The following FGF14 variants were observed in gnomAD, a reference collection of about 807,000 sequenced individuals.
FGF14 encodes the protein fibroblast growth factor homologous factor 4.
A neutral mutation model predicts 25.5 loss-of-function variants in FGF14; 5 were observed. The ratio of observed to expected loss-of-function variants is 0.20; its 90% CI spans 0.10 to 0.41. The LOEUF is 0.41. FGF14 is among the 10% of genes least tolerant of loss of function. The pLI, the probability that FGF14 is intolerant of heterozygous loss-of-function variation, is 1.00. For missense variants in FGF14, 222 were observed against 320.1 expected, an observed-to-expected ratio of 0.69 and a Z score of 2.34; for synonymous variants, 138 against 118.3, an observed-to-expected ratio of 1.17 and a Z score of -1.08.
intron 1 of FGF14, among the ~76,000 whole-genome samples, chr13:101,942,827 GTTAA>G (rs2035540912): frequency 6.6e-6 from 1 of 152,232 alleles, no homozygotes; most frequent in South Asian, 2.1e-4. Flanking sequence ...CAGGTAAGGT[GTTAA>G]TTGTTTAATC....
chr13:101,782,579 C>T (rs149166179), intron 3 of FGF14, among the ~76,000 whole-genome samples: 5 of 152,166 alleles, frequency 3.3e-5, no homozygotes, highest in African/African-American at 1.2e-4. Flanking sequence ...CGTTCTTCCC[C>T]TCTGTGTGTC....
chr13:101,920,381 A>T (rs2033911668), upstream of FGF14, among the ~76,000 whole-genome samples: 1 of 152,154 alleles, frequency 6.6e-6, no homozygotes, highest in Non-Finnish European at 1.5e-5. Context: ...TGACTCTGCA[A>T]CTTCCTAGCT....
At chr13:101,788,872 CTATATATATATATA>C (rs56084859) in intron 3 of FGF14, among the ~76,000 whole-genome samples, 350 of 26,388 alleles carry the variant, frequency 0.013, 7 homozygotes, top group East Asian at 0.03. Context: ...CCTTTTTTGA[CTATATATATATATA>C]TATATATATA....
chr13:102,130,961 T>G (rs2140410755), intron 1 of FGF14, among the ~76,000 whole-genome samples: 1 of 152,308 alleles, frequency 6.6e-6, no homozygotes, highest in South Asian at 2.1e-4. Flanking sequence ...CCCCCACTTT[T>G]TGCTTAAATG....
In FGF14 at chr13:101,833,814, T is replaced by A. The variant is rs540890684; in HGVS notation, c.408+34911A>T. On this transcript the variant is annotated intron_variant, in intron 3 of 4. Coordinates refer to ENST00000376143, the MANE Select transcript of FGF14 (RefSeq NM_004115.4). ...CCAATTTCCATTAAAATTCAAAGCCTGTCGTTGTGTCTTGCTGTTTAATTG... is the reference window on the plus strand; with the variant it reads ...CCAATTTCCATTAAAATTCAAAGCCAGTCGTTGTGTCTTGCTGTTTAATTG... Among the ~76,000 whole-genome samples the A allele has an allele frequency of 7.2e-5, 11 of 152,250 alleles. No individual in the cohort carries two copies. In the South Asian group the frequency reaches 2.3e-3, roughly 32 times the overall value.
intron 1 of FGF14, 52 bp from the exon 2 acceptor site, chr13:101,875,348 C>T (rs376320175): frequency 8.2e-7 from 1 of 1,226,446 alleles, no homozygotes; most frequent in African/African-American, 1.5e-5. Context: ...ACCATAGTTT[C>T]CTTTATCTTT....
intron 1 of FGF14, among the ~76,000 whole-genome samples, chr13:102,092,057 GA>G (rs2044189372): frequency 6.6e-6 from 1 of 152,160 alleles, no homozygotes; most frequent in South Asian, 2.1e-4. Flanking sequence ...CTGATGTGGG[GA>G]TGACACATTG....
chr13:102,034,061 T>C (rs952322404), intron 1 of FGF14, among the ~76,000 whole-genome samples: 1 of 152,078 alleles, frequency 6.6e-6, no homozygotes, highest in African/African-American at 2.4e-5. Context: ...CTCTCTTCTT[T>C]CTGGGATCAA....
rs1349341457 is a variant in FGF14, at chr13:101,976,689, C to G, written c.209-101393G>C. Among the ~76,000 whole-genome samples the G allele has an allele frequency of 2.0e-5, 3 of 152,180 alleles. No individual in the cohort carries two copies. The East Asian group carries it at 5.8e-4, about 29-fold the overall frequency. On this transcript the variant is annotated intron_variant, in intron 1 of 4. Transcript: ENST00000376131. ...TGTGCCATCACCCTCATTTCCTGTTCCTCACTGATTTTTCATTCAGTACTT... is the reference window on the plus strand; with the variant it reads ...TGTGCCATCACCCTCATTTCCTGTTGCTCACTGATTTTTCATTCAGTACTT...
chr13:101,801,107 A>G lies in FGF14; in HGVS notation c.408+67618T>C, dbSNP rs562100568. On this transcript the variant is annotated intron_variant, in intron 3 of 4. Transcript: ENST00000376143. ...AGCACAAACTTGAAAGCTATCTCAAATCGCTATTTTGGCATCTGCTGTTAT... is the reference window on the plus strand; with the variant it reads ...AGCACAAACTTGAAAGCTATCTCAAGTCGCTATTTTGGCATCTGCTGTTAT... 1.4e-4 allele frequency among the ~76,000 whole-genome samples: 21 copies of G among 152,280 alleles called. No homozygotes were observed. The East Asian group carries it at 4.1e-3, about 29-fold the overall frequency.
At chr13:102,070,162 G>T (rs1054624647) in intron 1 of FGF14, among the ~76,000 whole-genome samples, 1 of 152,106 alleles carries the variant, frequency 6.6e-6, no homozygotes, top group Non-Finnish European at 1.5e-5. Flanking sequence ...AAGATATAAG[G>T]AGCTCAAACA....
chr13:102,028,121 G>A (rs1252912655), intron 1 of FGF14, among the ~76,000 whole-genome samples: 1 of 152,008 alleles, frequency 6.6e-6, no homozygotes, highest in East Asian at 1.9e-4. Context: ...AGGGAAGAAG[G>A]AAAGGAAAGC....
chr13:102,370,269 T>C (rs1430803011), intron 1 of FGF14, among the ~76,000 whole-genome samples: 1 of 152,166 alleles, frequency 6.6e-6, no homozygotes, highest in Non-Finnish European at 1.5e-5. Context: ...GGGATTACAA[T>C]TGTGGGCCAC....
At chr13:102,350,369 C>T (rs2057240685) in intron 1 of FGF14, among the ~76,000 whole-genome samples, 1 of 140,328 alleles carries the variant, frequency 7.1e-6, no homozygotes, top group Non-Finnish European at 1.5e-5. Context: ...GTGAAACCCT[C>T]TTTAATTAAA....
intron 1 of FGF14, among the ~76,000 whole-genome samples, chr13:102,120,038 A>G (rs1281461980): frequency 3.3e-5 from 5 of 152,080 alleles, no homozygotes; most frequent in African/African-American, 1.2e-4. Flanking sequence ...TCCTGGCCCT[A>G]CAGACACCTC....
chr13:101,789,322 C>T (rs1442630113), intron 3 of FGF14, among the ~76,000 whole-genome samples: 8 of 152,018 alleles, frequency 5.3e-5, no homozygotes, highest in Non-Finnish European at 1.5e-5. Flanking sequence ...CTTTCTTCCT[C>T]AACAGGTCAG....
chr13:101,741,648 A>T (rs1347623637), intron 3 of FGF14, among the ~76,000 whole-genome samples: 2 of 152,044 alleles, frequency 1.3e-5, no homozygotes, highest in African/African-American at 4.8e-5. Context: ...AAAAAAAAAA[A>T]AAGAATTCCA....
At chr13:101,725,098 T>G (rs910132209) in intron 4 of FGF14, among the ~76,000 whole-genome samples, 1 of 152,046 alleles carries the variant, frequency 6.6e-6, no homozygotes, top group African/African-American at 2.4e-5. Context: ...ATCTAGTCAA[T>G]TCTTAACTAT....
chr13:101,890,116 CAT>C (rs2046194821), intron 1 of FGF14, among the ~76,000 whole-genome samples: 2 of 152,254 alleles, frequency 1.3e-5, no homozygotes, highest in African/African-American at 4.8e-5. Context: ...AAACAAAAGA[CAT>C]AGCTCCTTTA....
Sources: gnomAD v4.1 joint callset for allele counts (sites outside exome capture counted in the v4.1 genomes callset) on GRCh38, gnomAD v4.1.1 for gene constraint, MANE v1.5 for transcripts, NCBI Gene and HGNC (gene_info 2026-07-23, HGNC 2026-07-21) for gene names.